PALD1: variants seen among roughly 807,000 people sequenced by gnomAD.
The protein encoded by PALD1 is phosphatase domain containing paladin 1.
PALD1 carries 57 observed loss-of-function variants against 96.0 expected under a neutral mutation model. The observed-to-expected ratio is 0.59, with a 90% CI of 0.48 to 0.74. The LOEUF is 0.74. Ranked by LOEUF, PALD1 falls within the 30% of genes least tolerant of loss-of-function variation. The probability of loss-of-function intolerance (pLI) is 0.00; values close to 1 mark genes in which losing one functional copy is unlikely to be tolerated. For synonymous variants in PALD1, 464 were observed against 473.6 expected, an observed-to-expected ratio of 0.98 and a Z score of 0.26; for missense variants, 1,063 against 1,143.7, an observed-to-expected ratio of 0.93 and a Z score of 1.02.
At chr10:70,558,425 T>A (rs1847659868) in intron 18 of PALD1, among the ~76,000 whole-genome samples, 1 of 152,130 alleles carries the variant, frequency 6.6e-6, no homozygotes, top group Non-Finnish European at 1.5e-5. Context: ...TGTTTGTCAT[T>A]CATTGATTTG....
chr10:70,459,512 TG>T, the PALD1 span, among the ~76,000 whole-genome samples: 4 of 135,186 alleles, frequency 3.0e-5, no homozygotes, highest in East Asian at 2.5e-4. Context: ...TGGGTGGGGA[TG>T]GGGGGGTTGC....
At chr10:70,537,604 A>C (rs1337433690) in intron 10 of PALD1, among the ~76,000 whole-genome samples, 1 of 152,246 alleles carries the variant, frequency 6.6e-6, no homozygotes, top group Non-Finnish European at 1.5e-5. Flanking sequence ...GGTCACCCAC[A>C]TATCTCCCCT....
intron 18 of PALD1, among the ~76,000 whole-genome samples, chr10:70,560,520 G>A (rs796328737): frequency 2.6e-5 from 4 of 152,254 alleles, no homozygotes; most frequent in African/African-American, 9.6e-5. Context: ...GTTGCTAGGA[G>A]AATGTGTTAG....
intron 1 of PALD1, among the ~76,000 whole-genome samples, chr10:70,523,407 A>G (rs1450037813): frequency 6.6e-6 from 1 of 152,122 alleles, no homozygotes; most frequent in African/African-American, 2.4e-5. Flanking sequence ...CTTGTTCTCC[A>G]GGCTGTTCCC....
At position 70,539,791 on chromosome 10, in the gene PALD1, T is replaced by C; in HGVS notation, c.1908+29T>C. On this transcript the variant is annotated intron_variant, in intron 15 of 19. Coordinates refer to ENST00000263563, the MANE Select transcript of PALD1 (RefSeq NM_014431.3). This position sits in a 1 kb window ranked among gnomAD's most constrained non-coding sequence, Gnocchi z 4.5. ...AGGGTGCTGCTCAGGCTGAGGCCTC[T>C]GGGGAGGGACAGGAGGCCTCCCTGT... The C allele has an allele frequency of 3.2e-6, 5 of 1,579,462 alleles. No homozygotes were observed. In the South Asian group the frequency reaches 5.6e-5, roughly 18 times the overall value.
intron 1 of PALD1, among the ~76,000 whole-genome samples, chr10:70,498,754 C>A (rs1451806678): frequency 6.6e-6 from 1 of 151,980 alleles, no homozygotes; most frequent in Non-Finnish European, 1.5e-5. Context: ...TGGTAAAACC[C>A]GGTTTCTACT....
In PALD1 at chr10:70,567,028, G is replaced by A. The variant is rs1234228231; in HGVS notation, c.*295G>A. On this transcript the variant is annotated 3_prime_UTR_variant, in exon 20 of 20. Transcript: ENST00000263563. ...GTGTGTACCTTGCAGACAGGCCGGC[G>A]TTCAGCCTCCAAGGGGCTCACTCCC... 3 of 334,044 alleles carry A rather than the reference G, an allele frequency of 9.0e-6. No individual in the cohort carries two copies. Among genetic ancestry groups the A allele is most frequent in the Non-Finnish European group, 1.6e-5 (3 of 184,924 alleles). 20.7% of individuals were successfully genotyped at this position (334,044 alleles called of 1,614,324 possible). A position where few individuals can be genotyped will look rare whatever the true frequency, so the allele number is the denominator to read the frequency against.
At chr10:70,528,011 A>G (rs1564697731) in intron 2 of PALD1, among the ~76,000 whole-genome samples, 1 of 148,480 alleles carries the variant, frequency 6.7e-6, no homozygotes, top group African/African-American at 2.5e-5. Flanking sequence ...GTTCCCACCT[A>G]TGAGTGAGAA....
At chr10:70,562,857 T>C (rs1055069508) in intron 18 of PALD1, among the ~76,000 whole-genome samples, 7 of 151,882 alleles carry the variant, frequency 4.6e-5, no homozygotes, top group African/African-American at 1.7e-4. Context: ...GTCCTGGGCC[T>C]TATCCCCTGG....
At chr10:70,491,821 T>G (rs1309372049) in intron 1 of PALD1, among the ~76,000 whole-genome samples, 3 of 152,230 alleles carry the variant, frequency 2.0e-5, no homozygotes, top group African/African-American at 7.2e-5. Flanking sequence ...TTTTGGATAG[T>G]TCATGTAAGG....
At chr10:70,548,803 G>A (rs2132417704) in intron 18 of PALD1, among the ~76,000 whole-genome samples, 1 of 152,346 alleles carries the variant, frequency 6.6e-6, no homozygotes, top group East Asian at 1.9e-4. Flanking sequence ...CATGGATCAG[G>A]CCCTGATTGG....
chr10:70,508,784 C>CGCGT (rs1554855623), intron 1 of PALD1, among the ~76,000 whole-genome samples: 2 of 100,034 alleles, frequency 2.0e-5, no homozygotes, highest in African/African-American at 3.8e-5. Flanking sequence ...CTCTGTATGG[C>CGCGT]GTGTGTGTGT....
chr10:70,560,559 C>T (rs900980101), intron 18 of PALD1, among the ~76,000 whole-genome samples: 2 of 151,986 alleles, frequency 1.3e-5, no homozygotes, highest in African/African-American at 4.8e-5. Flanking sequence ...GGATGTGACG[C>T]GCTCGGCCCG....
At chr10:70,470,973 G>GTT in the PALD1 span, among the ~76,000 whole-genome samples, 31 of 139,052 alleles carry the variant, frequency 2.2e-4, no homozygotes, top group Non-Finnish European at 3.0e-4. Flanking sequence ...GGCTAATTTA[G>GTT]TTTTTTTTTT....
chr10:70,524,590 A>C (rs1366150524), intron 1 of PALD1, among the ~76,000 whole-genome samples: 1 of 152,264 alleles, frequency 6.6e-6, no homozygotes, highest in Non-Finnish European at 1.5e-5. Context: ...TCACTTGCAG[A>C]TAACTCATGC....
intron 10 of PALD1, among the ~76,000 whole-genome samples, chr10:70,535,845 T>A (rs1847105100): frequency 6.6e-6 from 1 of 152,082 alleles, no homozygotes; most frequent in African/African-American, 2.4e-5. Context: ...GGACTACAGG[T>A]GCATGTCACC....
chr10:70,527,133 G>A lies in PALD1; in HGVS notation c.185+997G>A, dbSNP rs148748626. ...TGGGTTTGGGGCCTGAAGGTAGCACGAAGACTCGTGCCCCAGGCCTGGTTC... is the reference window on the plus strand; with the variant it reads ...TGGGTTTGGGGCCTGAAGGTAGCACAAAGACTCGTGCCCCAGGCCTGGTTC... On this transcript the variant is annotated intron_variant, in intron 2 of 19. Coordinates refer to ENST00000263563, the MANE Select transcript of PALD1 (RefSeq NM_014431.3). 3.3e-5 allele frequency among the ~76,000 whole-genome samples: 5 copies of A among 152,326 alleles called. No homozygotes were observed. In the South Asian group the frequency reaches 8.3e-4, roughly 25 times the overall value.
chr10:70,551,479 A>G (rs1329280522), intron 18 of PALD1, among the ~76,000 whole-genome samples: 1 of 152,108 alleles, frequency 6.6e-6, no homozygotes, highest in Non-Finnish European at 1.5e-5. Flanking sequence ...TTGCCCGGGA[A>G]TGTTCTAGGA....
At chr10:70,534,902 T>C in intron 10 of PALD1, 59 bp downstream of exon 10, 1 of 1,111,260 alleles carries the variant, frequency 9.0e-7, no homozygotes, top group Non-Finnish European at 1.4e-6. Context: ...CAGCCTGATT[T>C]CATTAGGCAT....
Sources: allele counts gnomAD v4.1 joint callset (sites outside exome capture counted in the v4.1 genomes callset), GRCh38; gene constraint gnomAD v4.1.1; non-coding constraint Gnocchi (gnomAD v3.1); transcripts MANE v1.5; gene names NCBI Gene and HGNC (gene_info 2026-07-23, HGNC 2026-07-21).